The following USP7 variants were observed in gnomAD, a reference collection of about 807,000 sequenced individuals.
USP7 encodes ubiquitin C-terminal hydrolase 7.
A neutral mutation model predicts 162.9 loss-of-function variants in USP7; 9 were observed. That is an observed-to-expected ratio of 0.06 (90% CI 0.03 to 0.10). USP7 has a LOEUF of 0.10. Among genes scored for constraint, USP7 ranks in the 10% least tolerant of loss-of-function variants. The pLI, the probability that USP7 is intolerant of heterozygous loss-of-function variation, is 1.00. For missense variants in USP7, 715 were observed against 1,373.7 expected (o/e 0.52, Z 7.58); for synonymous variants, 562 against 475.9 (o/e 1.18, Z -2.35).
At chr16:8,920,070 G>C (rs572789283) in intron 5 of USP7, among the ~76,000 whole-genome samples, 1 of 152,152 alleles carries the variant, frequency 6.6e-6, no homozygotes, top group Non-Finnish European at 1.5e-5. Context: ...TTTATGTACC[G>C]GTCTTAGCTC....
intron 1 of USP7, among the ~76,000 whole-genome samples, chr16:8,958,299 G>A (rs1209421919): frequency 6.6e-6 from 1 of 152,178 alleles, no homozygotes; most frequent in Non-Finnish European, 1.5e-5. Flanking sequence ...CACTTTCCTG[G>A]GGTATCTGTC....
chr16:8,894,243 C>T, intron 30 of USP7, 139 bp from the exon 31 acceptor site: 1 of 796,734 alleles, frequency 1.3e-6, no homozygotes, highest in Non-Finnish European at 2.1e-6. Flanking sequence ...GAGCTACACG[C>T]CCACCTGGAG....
intron 1 of USP7, among the ~76,000 whole-genome samples, chr16:8,930,783 A>G (rs1477670416): frequency 6.6e-6 from 1 of 152,202 alleles, no homozygotes; most frequent in Non-Finnish European, 1.5e-5. Context: ...AGGCTGGCCA[A>G]CATGGTGAAA....
At position 8,923,347 on chromosome 16, in the gene USP7, G is replaced by A; in HGVS notation, c.251C>T (p.Ser84Leu). Residue 84 changes from serine to leucine, a missense_variant, in exon 3 of 31, where the codon TCG becomes TTG. Ser to Leu is a moderately radical substitution (Grantham distance 145, BLOSUM62 -2). Transcript: ENST00000344836. Reference protein sequence around the residue: ...TVERFSRLSESVLSPPCFVRN... With the variant: ...TVERFSRLSELVLSPPCFVRN... Reference sequence around the variant, plus strand: ...CACAAAACACGGAGGGCTAAGGACCGACTCACTCAGTCTGCTGAAGCGCTC... The same window carrying A: ...CACAAAACACGGAGGGCTAAGGACCAACTCACTCAGTCTGCTGAAGCGCTC... 6.2e-7 allele frequency: 1 copy of A among 1,614,186 alleles called. No individual in the cohort carries two copies. The highest frequency in any genetic ancestry group is 8.5e-7 in the Non-Finnish European group (1 of 1,180,030).
chr16:8,894,367 A>C (rs1416595688), intron 30 of USP7, among the ~76,000 whole-genome samples, 183 bp downstream of exon 30: 1 of 152,174 alleles, frequency 6.6e-6, no homozygotes, highest in African/African-American at 2.4e-5. Context: ...CACAGGTTAC[A>C]AAGGATGTAA....
intron 5 of USP7, 72 bp from the exon 6 acceptor site, chr16:8,919,211 C>G (rs1427999972): frequency 4.7e-6 from 7 of 1,495,020 alleles, no homozygotes; most frequent in Non-Finnish European, 6.5e-6. Context: ...GTGAAGCAAT[C>G]TGACTCAAGG....
intron 10 of USP7, 89 bp from the exon 11 acceptor site, chr16:8,910,916 T>C (rs1427003962): frequency 1.8e-6 from 2 of 1,110,084 alleles, no homozygotes; most frequent in African/African-American, 3.1e-5. Flanking sequence ...TCAGCATATT[T>C]AGGATTAGCA....
chr16:8,897,307 G>C lies in USP7; in HGVS notation c.2719-208C>G, dbSNP rs145775303. On this transcript the variant is annotated intron_variant, in intron 25 of 30. Coordinates refer to ENST00000344836, the MANE Select transcript of USP7 (RefSeq NM_003470.3). Reference sequence around the variant, plus strand: ...CCTAATCTAGGACCAACCAAATACTGACGGGAGGTTAACAAAAGTGGCCTT... The same window carrying C: ...CCTAATCTAGGACCAACCAAATACTCACGGGAGGTTAACAAAAGTGGCCTT... 582 of 521,830 alleles carry C rather than the reference G, an allele frequency of 1.1e-3. 1 individual carries two copies. Among genetic ancestry groups the C allele is most frequent in the African/African-American group, 1.0e-2 (521 of 52,314 alleles). The allele number at this position is 521,830 out of a possible 1,614,324, so 32.3% of individuals were successfully genotyped here.
intron 1 of USP7, chr16:8,962,767 G>C (rs974880274): frequency 6.1e-6 from 1 of 164,618 alleles, no homozygotes; most frequent in Non-Finnish European, 1.3e-5. Flanking sequence ...CGCGCCCTCC[G>C]GGGGAGCGCA....
chr16:8,941,810 G>C (rs145769115), intron 1 of USP7, among the ~76,000 whole-genome samples: 1 of 152,196 alleles, frequency 6.6e-6, no homozygotes, highest in African/African-American at 2.4e-5. Flanking sequence ...CCAAGCCTCC[G>C]TCTCTGACAG....
chr16:8,957,752 G>T (rs1899867731), intron 1 of USP7, among the ~76,000 whole-genome samples: 1 of 145,766 alleles, frequency 6.9e-6, no homozygotes, highest in Admixed American at 6.8e-5. Flanking sequence ...GCAAGACCCT[G>T]TCTCTTAAAT....
At chr16:8,914,039 C>T (rs1373387330) in intron 10 of USP7, among the ~76,000 whole-genome samples, 1 of 151,972 alleles carries the variant, frequency 6.6e-6, no homozygotes, top group Non-Finnish European at 1.5e-5. Flanking sequence ...CACCCATCCT[C>T]CCCCTTATTT....
chr16:8,907,184 G>A (rs560193845), intron 12 of USP7, among the ~76,000 whole-genome samples: 81 of 152,306 alleles, frequency 5.3e-4, no homozygotes, highest in Non-Finnish European at 1.0e-3. Context: ...ATTCCTAAAC[G>A]ATGCCCAAAT....
intron 10 of USP7, among the ~76,000 whole-genome samples, 194 bp downstream of exon 10, chr16:8,915,060 C>G (rs2062007946): frequency 6.6e-6 from 1 of 152,160 alleles, no homozygotes; most frequent in Admixed American, 6.5e-5. Flanking sequence ...CTGGGAAGGG[C>G]TGTGGGAGTG....
chr16:8,914,881 A>G (rs532441845), intron 10 of USP7, among the ~76,000 whole-genome samples: 1 of 152,348 alleles, frequency 6.6e-6, no homozygotes, highest in South Asian at 2.1e-4. Flanking sequence ...GTTGCACCCC[A>G]GCCTGTACAG....
chr16:8,963,354 CGAGCCGG>C lies in USP7; in HGVS notation c.-76_-70del. ...TGCGAGCCCGGCGGGCGGGCGGCGG[CGAGCCGG>C]GGCGGCGGCGGCGGCGGCGGCGGCG... On this transcript the variant is annotated 5_prime_UTR_variant, in exon 1 of 31. Transcript: ENST00000344836. 1 of 532,250 alleles carries C rather than the reference CGAGCCGG, an allele frequency of 1.9e-6. No homozygotes were observed. The highest frequency in any genetic ancestry group is 2.4e-6 in the Non-Finnish European group (1 of 420,390). 33.0% of individuals were successfully genotyped at this position (532,250 alleles called of 1,614,324 possible).
Position 8,903,283 on chromosome 16 carries a change from G to A in USP7, c.1824C>T (p.Ser608=), listed in dbSNP as rs1401854808. ...KNSSLAEFVQ[S]LSQTMGFPQD... Reference sequence around the variant, plus strand: ...CGGTACGCACCATGGTCTGAGAGAGGCTCTGAACAAACTCAGCAAGCGAGG... The same window carrying A: ...CGGTACGCACCATGGTCTGAGAGAGACTCTGAACAAACTCAGCAAGCGAGG... Residue 608 remains serine, a synonymous_variant, in exon 16 of 31, where the codon AGC becomes AGT. Transcript: ENST00000344836. The A allele has an allele frequency of 1.9e-6, 3 of 1,613,714 alleles. No homozygotes were observed. The highest frequency in any genetic ancestry group is 2.5e-6 in the Non-Finnish European group (3 of 1,179,908).
chr16:8,898,297 A>C, intron 25 of USP7, 63 bp downstream of exon 25: 2 of 1,304,140 alleles, frequency 1.5e-6, no homozygotes, highest in Non-Finnish European at 2.2e-6. Flanking sequence ...ATGTCTGGGG[A>C]CAGGTAGAAA....
chr16:8,905,055 A>G, intron 14 of USP7, 132 bp downstream of exon 14: 1 of 1,138,428 alleles, frequency 8.8e-7, no homozygotes. Flanking sequence ...AACCCTGCTC[A>G]TTTCTGCGCT....
Sources: allele counts gnomAD v4.1 joint callset (sites outside exome capture counted in the v4.1 genomes callset), GRCh38; gene constraint gnomAD v4.1.1; transcripts MANE v1.5; gene names NCBI Gene and HGNC (gene_info 2026-07-23, HGNC 2026-07-21).